The following ASIC2 variants were observed in gnomAD, a reference collection of about 807,000 sequenced individuals.
The protein encoded by ASIC2 is acid-sensing ion channel 2.
In ASIC2, 25 loss-of-function variants were observed where a neutral mutation model predicts 57.3. That is an observed-to-expected ratio of 0.44 (90% CI 0.32 to 0.61). ASIC2 has a LOEUF of 0.61. Ranked by LOEUF, ASIC2 falls within the 20% of genes least tolerant of loss-of-function variation. The probability of loss-of-function intolerance (pLI) is 0.06; values close to 1 mark genes in which losing one functional copy is unlikely to be tolerated. For synonymous variants in ASIC2, 319 were observed against 307.5 expected, an observed-to-expected ratio of 1.04 and a Z score of -0.39; for missense variants, 641 against 738.1, an observed-to-expected ratio of 0.87 and a Z score of 1.52.
Position 33,700,416 on chromosome 17 carries a change from G to C in ASIC2, c.555+455562C>G, listed in dbSNP as rs543108249. ...GAATACCCCTAGAGCTTCCAGCAAA[G>C]CAAAATCAAATTCTGTCCTGCCAAA... On this transcript the variant is annotated intron_variant, in intron 1 of 9. Coordinates refer to the ASIC2 transcript ENST00000359872. 2.4e-3 allele frequency among the ~76,000 whole-genome samples: 364 copies of C among 152,198 alleles called. 2 individuals are homozygous for C. In the Middle Eastern group the frequency reaches 0.048, roughly 20 times the overall value.
At chr17:33,015,710 C>G (rs1464861856) in intron 9 of ASIC2, among the ~76,000 whole-genome samples, 1 of 152,188 alleles carries the variant, frequency 6.6e-6, no homozygotes, top group Non-Finnish European at 1.5e-5. Context: ...CTGGGAGAAG[C>G]TGGATTGGGC....
chr17:34,088,592 G>A lies in ASIC2; in HGVS notation c.555+67386C>T, dbSNP rs542755386. ...CTGTCAGACAGGGACATTTAAGTCT[G>A]CAGAGGTTACTGCTGTCTTTTTGTT... On this transcript the variant is annotated intron_variant, in intron 1 of 9. Transcript: ENST00000359872. Among the ~76,000 whole-genome samples, 420 of 152,356 alleles carry A rather than the reference G, an allele frequency of 2.8e-3. 2 individuals carry two copies. Among genetic ancestry groups the A allele is most frequent in the Non-Finnish European group, 4.4e-3 (300 of 68,036 alleles).
chr17:33,884,568 G>A (rs1473076980), intron 1 of ASIC2, among the ~76,000 whole-genome samples: 3 of 151,962 alleles, frequency 2.0e-5, no homozygotes, highest in Non-Finnish European at 4.4e-5. Context: ...CCCTAATTCT[G>A]TCCTTGGAGC....
chr17:34,018,415 G>T (rs968993370), intron 1 of ASIC2, among the ~76,000 whole-genome samples: 3 of 152,198 alleles, frequency 2.0e-5, no homozygotes, highest in African/African-American at 7.2e-5. Context: ...ATGTTTTCAT[G>T]CCTGCTAACA....
At chr17:33,492,095 C>T (rs1413891121) in intron 1 of ASIC2, among the ~76,000 whole-genome samples, 1 of 152,146 alleles carries the variant, frequency 6.6e-6, no homozygotes, top group Non-Finnish European at 1.5e-5. Context: ...GATCTCTTGC[C>T]AAAATAGGGC....
intron 1 of ASIC2, among the ~76,000 whole-genome samples, chr17:33,322,405 G>C (rs116575740): frequency 1.3e-5 from 2 of 152,154 alleles, no homozygotes; most frequent in African/African-American, 4.8e-5. Flanking sequence ...CTTCCCTTGA[G>C]CAAGTGGAGG....
intron 1 of ASIC2, chr17:33,291,104 G>A (rs1002546101): frequency 4.7e-5 from 20 of 421,094 alleles, no homozygotes; most frequent in African/African-American, 2.9e-4. Flanking sequence ...GAAGGAGGCT[G>A]ACTAATATTC....
chr17:33,810,510 A>C (rs1219965714), intron 1 of ASIC2, among the ~76,000 whole-genome samples: 4 of 152,152 alleles, frequency 2.6e-5, no homozygotes, highest in Admixed American at 2.6e-4. Context: ...TCTGGATGCA[A>C]TGCTGCTTTA....
intron 1 of ASIC2, among the ~76,000 whole-genome samples, chr17:33,552,579 G>C (rs938667908): frequency 6.6e-6 from 1 of 152,204 alleles, no homozygotes; most frequent in Non-Finnish European, 1.5e-5. Flanking sequence ...TTTGCAAAAG[G>C]AAAGACAATA....
intron 1 of ASIC2, among the ~76,000 whole-genome samples, chr17:33,840,641 T>A (rs1384614236): frequency 1.3e-5 from 2 of 151,934 alleles, no homozygotes; most frequent in Non-Finnish European, 2.9e-5. Flanking sequence ...AGAAGGGGAG[T>A]TGACATCTAC....
intron 1 of ASIC2, among the ~76,000 whole-genome samples, chr17:33,764,766 C>T (rs1597866779): frequency 6.6e-6 from 1 of 152,320 alleles, no homozygotes; most frequent in African/African-American, 2.4e-5. Context: ...AATACTGCCA[C>T]ACTGGGGGTA....
intron 1 of ASIC2, among the ~76,000 whole-genome samples, chr17:33,819,044 TATGACCC>T (rs892219432): frequency 1.2e-4 from 18 of 152,190 alleles, no homozygotes; most frequent in African/African-American, 4.3e-4. Context: ...TCTTTTGGGT[TATGACCC>T]ATGTGCTATT....
At chr17:33,982,238 T>A (rs934368177) in intron 1 of ASIC2, among the ~76,000 whole-genome samples, 1 of 152,230 alleles carries the variant, frequency 6.6e-6, no homozygotes, top group Non-Finnish European at 1.5e-5. Context: ...GCTCTGTATT[T>A]ATTTACCCTG....
intron 1 of ASIC2, among the ~76,000 whole-genome samples, chr17:33,593,203 AATT>A (rs1278071754): frequency 2.6e-5 from 4 of 152,218 alleles, no homozygotes; most frequent in African/African-American, 9.6e-5. Context: ...CAGATGCAGC[AATT>A]GTATGTGCAG....
At chr17:33,030,983 C>T (rs1261999360) in intron 3 of ASIC2, among the ~76,000 whole-genome samples, 1 of 152,054 alleles carries the variant, frequency 6.6e-6, no homozygotes, top group Non-Finnish European at 1.5e-5. Flanking sequence ...TTCTTATAAC[C>T]TCCTTGTCAA....
chr17:33,403,808 G>A (rs542123466), intron 1 of ASIC2, among the ~76,000 whole-genome samples: 61 of 152,316 alleles, frequency 4.0e-4, no homozygotes, highest in African/African-American at 1.3e-3. Flanking sequence ...TCATCTGGGT[G>A]AACAGTTTAC....
chr17:33,692,490 T>C (rs1005953687), intron 1 of ASIC2: 2 of 152,184 alleles, frequency 1.3e-5, no homozygotes, highest in African/African-American at 4.8e-5. Context: ...TAAACAGTTA[T>C]AAAAGTCTTG....
chr17:33,464,287 G>C (rs568991301), intron 1 of ASIC2, among the ~76,000 whole-genome samples: 10 of 152,254 alleles, frequency 6.6e-5, no homozygotes, highest in African/African-American at 2.4e-4. Flanking sequence ...CTAGTCCCAG[G>C]CTCCCTTGGT....
chr17:33,256,665 C>G (rs957876382), intron 1 of ASIC2, among the ~76,000 whole-genome samples: 2 of 152,166 alleles, frequency 1.3e-5, no homozygotes, highest in African/African-American at 4.8e-5. Context: ...AACCCCATCT[C>G]TACTAAAAAT....
Sources: allele counts gnomAD v4.1 joint callset (sites outside exome capture counted in the v4.1 genomes callset), GRCh38; gene constraint gnomAD v4.1.1; transcripts MANE v1.5; gene names NCBI Gene and HGNC (gene_info 2026-07-23, HGNC 2026-07-21).